CRELD1: variants seen among roughly 807,000 people sequenced by gnomAD.
CRELD1 encodes the protein protein disulfide isomerase CRELD1.
A neutral mutation model predicts 58.2 loss-of-function variants in CRELD1; 42 were observed. That is an observed-to-expected ratio of 0.72 (90% CI 0.56 to 0.93). CRELD1 has a LOEUF of 0.93. CRELD1 is among the 40% of genes least tolerant of loss of function. CRELD1 has a pLI of 0.00. For missense variants in CRELD1, 500 were observed against 540.6 expected (o/e 0.92, Z 0.74); for synonymous variants, 222 against 202.0 (o/e 1.10, Z -0.84).
rs753958777 is a variant in CRELD1 at position 9,943,513 on chromosome 3, C to A, written c.1046C>A (p.Pro349Gln). The stretch of plus-strand genomic sequence containing the variant: ...GGCATCTGTGTGAAGGAGCAGATCC[C>A]AGGTGAGCCCTGGGGCGGGAGAGGG... ...MEGICVKEQI[P>Q]ESAGFFSEMT... is the part of the protein sequence containing the mutation. Residue 349 changes from proline to glutamine, a missense_variant and splice_region_variant, in exon 10 of 11, where the codon CCA (proline) becomes CAA (glutamine). By Grantham distance (76) the Pro-to-Gln change is moderately conservative. Transcript: ENST00000452070. The A allele has an allele frequency of 1.9e-6, 3 of 1,614,022 alleles. No individual in the cohort carries two copies. In the South Asian group the frequency reaches 3.3e-5, roughly 18 times the overall value.
In CRELD1 at chr3:9,940,933, G is replaced by T; in HGVS notation, c.544G>T (p.Asp182Tyr). ...EGTRGGSGHC[D>Y]CQAGYGGEAC... The stretch of plus-strand genomic sequence containing the variant: ...GACACGAGGGGGCAGCGGGCACTGT[G>T]ACTGCCAAGCCGGCTACGGGGGTGA... Residue 182 changes from aspartate (D) to tyrosine (Y), a missense_variant, in exon 6 of 11, where the codon GAC becomes TAC. Coordinates refer to ENST00000452070, the MANE Select transcript of CRELD1 (RefSeq NM_001077415.3). The T allele has an allele frequency of 6.2e-7, 1 of 1,614,168 alleles. No individual in the cohort carries two copies.
chr3:9,943,741 T>A, intron 10 of CRELD1: 1 of 985,436 alleles, frequency 1.0e-6, no homozygotes, highest in Non-Finnish European at 1.2e-6. Flanking sequence ...CAAATCAGTC[T>A]GCCTCCTTAA....
At chr3:9,944,073 AC>A (rs1265912248) in intron 10 of CRELD1, 1 of 798,980 alleles carries the variant, frequency 1.3e-6, no homozygotes, top group Non-Finnish European at 2.3e-6. Context: ...AGACAGTCTG[AC>A]CGTGGAACGA....
At chr3:9,944,152 C>A in intron 10 of CRELD1, 1 of 788,834 alleles carries the variant, frequency 1.3e-6, no homozygotes, top group Non-Finnish European at 2.3e-6. Flanking sequence ...AGTCCAACCC[C>A]TTTACCTCTC....
intron 5 of CRELD1, among the ~76,000 whole-genome samples, chr3:9,939,873 C>G (rs1208827961): frequency 6.6e-6 from 1 of 152,162 alleles, no homozygotes; most frequent in Admixed American, 6.5e-5. Flanking sequence ...GGGTGGTGGC[C>G]GGGCAGAGGG....
At chr3:9,941,475 G>A (rs867958762) in intron 7 of CRELD1, among the ~76,000 whole-genome samples, 3 of 152,104 alleles carry the variant, frequency 2.0e-5, no homozygotes, top group Non-Finnish European at 4.4e-5. Context: ...TGGAGGAGGC[G>A]TTACTTTGGC....
chr3:9,935,109 G>A (rs2085139661), intron 3 of CRELD1, 192 bp downstream of exon 3: 1 of 582,006 alleles, frequency 1.7e-6, no homozygotes, highest in Non-Finnish European at 3.1e-6. Context: ...GAGAAGACAA[G>A]CAGTGAATGA....
intron 3 of CRELD1, among the ~76,000 whole-genome samples, chr3:9,935,388 A>AT (rs143964349): frequency 4.6e-5 from 7 of 152,138 alleles, no homozygotes; most frequent in African/African-American, 7.2e-5. Flanking sequence ...AAGAGTTTAG[A>AT]TTTTTTTTGG....
At chr3:9,937,715 G>A in intron 4 of CRELD1, 43 bp downstream of exon 4, 1 of 1,390,468 alleles carries the variant, frequency 7.2e-7, no homozygotes, top group Non-Finnish European at 1.0e-6. Context: ...TCACAGGTGA[G>A]GCCTGGTGAT....
intron 10 of CRELD1, 24 bp downstream of exon 10, chr3:9,943,539 G>A (rs371604589): frequency 4.8e-5 from 78 of 1,613,814 alleles, no homozygotes; most frequent in African/African-American, 1.9e-4. Flanking sequence ...CGGGAGAGGG[G>A]AGGTCCTCAT....
intron 5 of CRELD1, among the ~76,000 whole-genome samples, chr3:9,940,415 C>T (rs1226945682): frequency 6.6e-6 from 1 of 152,114 alleles, no homozygotes; most frequent in African/African-American, 2.4e-5. Flanking sequence ...TCTGCAATCC[C>T]GGCACCTCGG....
rs2085474715 is a variant in CRELD1 at position 9,944,805 on chromosome 3, T to G, written c.*226T>G. The G allele has an allele frequency of 6.8e-6, 4 of 584,812 alleles. No individual in the cohort carries two copies. Among genetic ancestry groups the G allele is most frequent in the Non-Finnish European group, 1.2e-5 (4 of 327,030 alleles). 36.2% of individuals were successfully genotyped at this position (584,812 alleles called of 1,614,324 possible). A position where few individuals can be genotyped will look rare whatever the true frequency, so the allele number is the denominator to read the frequency against. ...CATGAGCTCTTCACCTGGCGGGGAC[T>G]GGCAGGCTTCACAATGTGTGAATTT... On this transcript the variant is annotated 3_prime_UTR_variant, in exon 11 of 11. Transcript: ENST00000452070.
chr3:9,944,578 A>C lies in CRELD1; in HGVS notation c.1262A>C (p.Ter421SerextTer33), dbSNP rs2085469181. The change falls in exon 11 of 11, where the codon TAA becomes TCA. Residue 421 changes from the stop codon to serine (S), a stop_lost. Coordinates refer to ENST00000452070, the MANE Select transcript of CRELD1 (RefSeq NM_001077415.3). The part of the protein sequence containing the change: ...RVLEGFIKGR[*>S] Reference sequence around the variant, plus strand: ...CTGGAGGGCTTCATCAAGGGCAGATAATCGCGGCCACCACCTGTAGGACCT... The same window carrying C: ...CTGGAGGGCTTCATCAAGGGCAGATCATCGCGGCCACCACCTGTAGGACCT... 4 of 1,600,914 alleles carry C rather than the reference A, an allele frequency of 2.5e-6. No homozygotes were observed. Among genetic ancestry groups the C allele is most frequent in the Non-Finnish European group, 3.4e-6 (4 of 1,178,162 alleles).
rs549882379 is a variant in CRELD1, at chr3:9,939,695, A to G, written c.461-1155A>G. On this transcript the variant is annotated intron_variant, in intron 5 of 10. Coordinates refer to ENST00000452070, the MANE Select transcript of CRELD1 (RefSeq NM_001077415.3). ...ATCCCAAGGCAGAAGAATTTTTCTT[A>G]GTACAGAACAAAATGAAAAGTCTCC... Among the ~76,000 whole-genome samples, 534 of 152,382 alleles carry G rather than the reference A, an allele frequency of 3.5e-3. 3 individuals carry two copies. The highest frequency in any genetic ancestry group is 0.012 in the African/African-American group (518 of 41,600).
At chr3:9,941,952 A>G (rs1291229289) in intron 7 of CRELD1, among the ~76,000 whole-genome samples, 2 of 152,062 alleles carry the variant, frequency 1.3e-5, no homozygotes, top group Non-Finnish European at 2.9e-5. Context: ...AAAAATCCCC[A>G]AAAGACTGTG....
intron 5 of CRELD1, among the ~76,000 whole-genome samples, chr3:9,940,395 C>G (rs537744369): frequency 6.6e-6 from 1 of 152,120 alleles, no homozygotes; most frequent in Non-Finnish European, 1.5e-5. Flanking sequence ...ACTGAGTGAA[C>G]GAGACTCCGT....
At chr3:9,936,712 C>A (rs1013262823) in intron 3 of CRELD1, among the ~76,000 whole-genome samples, 1 of 152,032 alleles carries the variant, frequency 6.6e-6, no homozygotes, top group African/African-American at 2.4e-5. Flanking sequence ...TATTACACAG[C>A]CACTCCCTAT....
Position 9,935,447 on chromosome 3 carries a change from G to A in CRELD1, c.257+530G>A, listed in dbSNP as rs371874620. Among the ~76,000 whole-genome samples, 10 of 152,280 alleles carry A rather than the reference G, an allele frequency of 6.6e-5. No homozygotes were observed. In the South Asian group the frequency reaches 2.1e-3, roughly 32 times the overall value. On this transcript the variant is annotated intron_variant, in intron 3 of 10. Coordinates refer to ENST00000452070, the MANE Select transcript of CRELD1 (RefSeq NM_001077415.3). ...GGCTATGAGCAGAAAAAGTGATACTGTCTTCTCTACACCTTTAAAGATTAC... is the reference window on the plus strand; with the variant it reads ...GGCTATGAGCAGAAAAAGTGATACTATCTTCTCTACACCTTTAAAGATTAC...
At chr3:9,943,008 C>T (rs2085410074) in intron 8 of CRELD1, 69 bp from the exon 9 acceptor site, 18 of 1,557,922 alleles carry the variant, frequency 1.2e-5, no homozygotes, top group South Asian at 5.6e-5. Context: ...CCCAGGCCTC[C>T]GCTTCTGGAG....
Sources: allele counts gnomAD v4.1 joint callset (sites outside exome capture counted in the v4.1 genomes callset), GRCh38; gene constraint gnomAD v4.1.1; transcripts MANE v1.5; gene names NCBI Gene and HGNC (gene_info 2026-07-23, HGNC 2026-07-21).